The following SCN7A variants were observed in gnomAD, a reference collection of about 807,000 sequenced individuals.
The protein encoded by SCN7A is sodium channel protein type 7 subunit alpha.
In SCN7A, 138 loss-of-function variants were observed where a neutral mutation model predicts 155.2. The ratio of observed to expected loss-of-function variants is 0.89; its 90% CI spans 0.77 to 1.02. SCN7A has a LOEUF of 1.02. SCN7A is among the 50% of genes least tolerant of loss of function. SCN7A has a pLI of 0.00. For missense variants in SCN7A, 2,058 were observed against 1,986.6 expected, an observed-to-expected ratio of 1.04 and a Z score of -0.68; for synonymous variants, 693 against 649.0, an observed-to-expected ratio of 1.07 and a Z score of -1.03.
At chr2:166,439,463 A>C (rs1701909809) in intron 15 of SCN7A, among the ~76,000 whole-genome samples, 1 of 152,132 alleles carries the variant, frequency 6.6e-6, no homozygotes. Context: ...TCTTGATAAA[A>C]CAGAAGATAC....
intron 11 of SCN7A, among the ~76,000 whole-genome samples, chr2:166,456,087 C>T (rs2105463177): frequency 6.6e-6 from 1 of 152,264 alleles, no homozygotes; most frequent in Non-Finnish European, 1.5e-5. Context: ...AACCATCATT[C>T]TTAGCAAACT....
chr2:166,429,909 A>T (rs1462570380), intron 16 of SCN7A, among the ~76,000 whole-genome samples: 1 of 152,038 alleles, frequency 6.6e-6, no homozygotes, highest in Non-Finnish European at 1.5e-5. Context: ...GCTGGGTAGA[A>T]TAAGGTGGTC....
intron 19 of SCN7A, 73 bp from the exon 20 acceptor site, chr2:166,421,370 C>A (rs1701507429): frequency 2.4e-6 from 2 of 840,886 alleles, no homozygotes; most frequent in East Asian, 3.0e-5. Flanking sequence ...ATAAACTTTG[C>A]ATTTATTACA....
chr2:166,493,533 C>G (rs796592945), intron 1 of SCN7A, among the ~76,000 whole-genome samples: 1 of 152,194 alleles, frequency 6.6e-6, no homozygotes, highest in Non-Finnish European at 1.5e-5. Flanking sequence ...CTATCTATTC[C>G]TTTGGGAAAA....
chr2:166,433,222 A>C (rs1015140914), intron 15 of SCN7A, among the ~76,000 whole-genome samples: 2 of 152,180 alleles, frequency 1.3e-5, no homozygotes, highest in African/African-American at 4.8e-5. Context: ...AATGATAACC[A>C]TGTGAAGTAA....
At chr2:166,456,497 C>A (rs1013792714) in intron 11 of SCN7A, among the ~76,000 whole-genome samples, 1 of 151,620 alleles carries the variant, frequency 6.6e-6, no homozygotes, top group Non-Finnish European at 1.5e-5. Context: ...GAACTAAAAC[C>A]CAAACAAAAA....
chr2:166,424,693 A>C (rs986804253), intron 18 of SCN7A, among the ~76,000 whole-genome samples: 1 of 152,142 alleles, frequency 6.6e-6, no homozygotes, highest in Non-Finnish European at 1.5e-5. Context: ...TAGAAAAAAA[A>C]GCAATCATAG....
intron 11 of SCN7A, among the ~76,000 whole-genome samples, chr2:166,451,313 A>G (rs936916862): frequency 6.6e-6 from 1 of 152,228 alleles, no homozygotes; most frequent in Non-Finnish European, 1.5e-5. Context: ...CTTCTTATAA[A>G]TACTGAATAA....
At chr2:166,471,735 G>C (rs1003847722) in intron 6 of SCN7A, among the ~76,000 whole-genome samples, 1 of 142,472 alleles carries the variant, frequency 7.0e-6, no homozygotes, top group South Asian at 2.3e-4. Context: ...TGGGGGGGGG[G>C]GTGGTGTTTA....
intron 10 of SCN7A, among the ~76,000 whole-genome samples, chr2:166,460,313 T>C (rs1226303823): frequency 6.6e-6 from 1 of 152,206 alleles, no homozygotes; most frequent in Non-Finnish European, 1.5e-5. Flanking sequence ...TGTATTATTA[T>C]AGCATATACA....
chr2:166,420,370 T>C (rs1187240169), intron 20 of SCN7A, among the ~76,000 whole-genome samples: 12 of 152,044 alleles, frequency 7.9e-5, no homozygotes, highest in Admixed American at 2.0e-4. Flanking sequence ...AGTGGCAGAC[T>C]GATATGAAAA....
At chr2:166,412,462 C>G (rs142496225) in intron 23 of SCN7A, 68 bp downstream of exon 23, 14,276 of 1,290,852 alleles carry the variant, frequency 0.011, 113 homozygotes, top group Non-Finnish European at 0.012. Flanking sequence ...TGAAGCAGGG[C>G]ATTTATATAT....
In SCN7A at chr2:166,427,907, C is replaced by T. The variant is rs1459595427; in HGVS notation, c.2734G>A (p.Gly912Arg). The T allele has an allele frequency of 6.2e-7, 1 of 1,612,758 alleles. No homozygotes were observed. Among genetic ancestry groups the T allele is most frequent in the East Asian group, 2.2e-5 (1 of 44,822 alleles). The change falls in exon 18 of 26, where the codon GGA (glycine) becomes AGA (arginine). Residue 912 changes from glycine (G) to arginine (R), a missense_variant. By Grantham distance (125) the Gly-to-Arg change is moderately radical. Coordinates refer to ENST00000643258, the MANE Select transcript of SCN7A (RefSeq NM_002976.4). ...CAGATTTTTCCTTTCTTGGATGCTC[C>T]ACTGATTTGACCAAGTGAAGATCCG... ...RRGSSLGQISGASKKGKIWQN... is the reference protein window; with the variant it reads ...RRGSSLGQISRASKKGKIWQN...
At chr2:166,478,072 A>T (rs1297319451) in intron 2 of SCN7A, among the ~76,000 whole-genome samples, 1 of 151,774 alleles carries the variant, frequency 6.6e-6, no homozygotes, top group Non-Finnish European at 1.5e-5. Flanking sequence ...TTAACAACTG[A>T]CTACACTTTT....
chr2:166,478,597 C>T (rs1277485027), intron 2 of SCN7A, among the ~76,000 whole-genome samples: 3 of 151,906 alleles, frequency 2.0e-5, no homozygotes, highest in Admixed American at 6.6e-5. Flanking sequence ...CTGTGAGCTA[C>T]TGTAAAAATA....
rs971159449 is a variant in SCN7A at position 166,404,461 on chromosome 2, A to G, written c.*1119T>C. On this transcript the variant is annotated 3_prime_UTR_variant, in exon 26 of 26. Coordinates refer to ENST00000643258, the MANE Select transcript of SCN7A (RefSeq NM_002976.4). ...TAACTTGTACATACTGTTATAAAACAACAACAAATTTAAACTTTTATCTCC... is the reference window on the plus strand; with the variant it reads ...TAACTTGTACATACTGTTATAAAACGACAACAAATTTAAACTTTTATCTCC... The G allele has an allele frequency of 6.6e-6, 1 of 151,970 alleles. No individual in the cohort carries two copies. Among genetic ancestry groups the G allele is most frequent in the African/African-American group, 2.4e-5 (1 of 41,424 alleles). The allele number at this position is 151,970 out of a possible 1,614,324, so 9.4% of individuals were successfully genotyped here.
chr2:166,412,438 C>T (rs1204831670), intron 23 of SCN7A, 92 bp downstream of exon 23: 4 of 1,237,584 alleles, frequency 3.2e-6, no homozygotes, highest in Admixed American at 4.3e-5. Flanking sequence ...AAGCTGAATC[C>T]AAAGCCAATT....
At chr2:166,470,772 TA>T in intron 6 of SCN7A, 66 bp from the exon 7 acceptor site, 1 of 1,412,944 alleles carries the variant, frequency 7.1e-7, no homozygotes, top group South Asian at 1.4e-5. Context: ...CTTGGCTTTT[TA>T]TGGTTATTGA....
intron 22 of SCN7A, 130 bp downstream of exon 22, chr2:166,412,938 C>A: frequency 1.1e-6 from 1 of 871,012 alleles, no homozygotes; most frequent in Non-Finnish European, 1.8e-6. Context: ...GGAAGAATTT[C>A]ATTGCCAATG....
Sources: allele counts gnomAD v4.1 joint callset (sites outside exome capture counted in the v4.1 genomes callset), GRCh38; gene constraint gnomAD v4.1.1; transcripts MANE v1.5; gene names NCBI Gene and HGNC (gene_info 2026-07-23, HGNC 2026-07-21).